The following SDCCAG8 variants were observed in gnomAD, a reference collection of about 807,000 sequenced individuals.
SDCCAG8 encodes the protein serologically defined colon cancer antigen 8.
Under a neutral mutation model 101.8 loss-of-function variants are expected in SDCCAG8, and 74 were observed. That is an observed-to-expected ratio of 0.73 (90% confidence interval 0.60 to 0.88). The LOEUF (loss-of-function observed/expected upper bound fraction) is 0.88. SDCCAG8 is among the 40% of genes least tolerant of loss of function. SDCCAG8 has a pLI of 0.00. For synonymous variants in SDCCAG8, 281 were observed against 292.9 expected, an observed-to-expected ratio of 0.96 and a Z score of 0.41; for missense variants, 787 against 822.6, an observed-to-expected ratio of 0.96 and a Z score of 0.53.
At position 243,416,333 on chromosome 1, in the gene SDCCAG8, C is replaced by T. The variant is rs1020363252; in HGVS notation, c.1744+504C>T. Among the ~76,000 whole-genome samples, 1 of 152,166 alleles carries T rather than the reference C, an allele frequency of 6.6e-6. No individual in the cohort carries two copies. Among genetic ancestry groups the T allele is most frequent in the African/African-American group, 2.4e-5 (1 of 41,444 alleles). On this transcript the variant is annotated intron_variant, in intron 14 of 17. Coordinates refer to ENST00000366541, the MANE Select transcript of SDCCAG8 (RefSeq NM_006642.5). This position sits in a 1 kb window ranked among gnomAD's most constrained non-coding sequence, Gnocchi z 4.3. ...ATCCAAACTGGAGAAAAGCTTTAGC[C>T]ATTAATCGGTTCTTAATTCACTGTC...
intron 10 of SDCCAG8, among the ~76,000 whole-genome samples, chr1:243,336,464 C>T (rs543723833): frequency 6.6e-6 from 1 of 152,140 alleles, no homozygotes; most frequent in Non-Finnish European, 1.5e-5. Context: ...CATGGTTCTG[C>T]AGGCTGAACG....
chr1:243,333,670 G>A (rs1199609961), intron 10 of SDCCAG8, among the ~76,000 whole-genome samples: 1 of 152,146 alleles, frequency 6.6e-6, no homozygotes, highest in Non-Finnish European at 1.5e-5. Flanking sequence ...CTGAAGATCT[G>A]TTTACACTAT....
chr1:243,292,173 TGGAGGTTTTATTACATA>T (rs1480206150), intron 5 of SDCCAG8, among the ~76,000 whole-genome samples: 7 of 152,180 alleles, frequency 4.6e-5, no homozygotes, highest in Non-Finnish European at 7.3e-5. Context: ...AGGATTTTTA[TGGAGGTTTTATTACATA>T]GGCATGATTG....
At chr1:243,470,649 C>T (rs1393896991) in intron 16 of SDCCAG8, among the ~76,000 whole-genome samples, 1 of 152,052 alleles carries the variant, frequency 6.6e-6, no homozygotes, top group Admixed American at 6.6e-5. Flanking sequence ...AGCATACAGC[C>T]GTGCTGTGCT....
In SDCCAG8 at chr1:243,459,244, G is replaced by A. The variant is rs77158055; in HGVS notation, c.1986-29770G>A. 6.0e-3 allele frequency among the ~76,000 whole-genome samples: 906 copies of A among 152,268 alleles called. 10 individuals carry two copies. Among genetic ancestry groups the A allele is most frequent in the African/African-American group, 0.017 (686 of 41,540 alleles). Reference sequence around the variant, plus strand: ...ATGATTGAGGAAGTGGAGGCTCGGAGGGAGGAAGTGTGGCCACAGCTGCAC... The same window carrying A: ...ATGATTGAGGAAGTGGAGGCTCGGAAGGAGGAAGTGTGGCCACAGCTGCAC... On this transcript the variant is annotated intron_variant, in intron 16 of 17. Transcript: ENST00000366541.
chr1:243,355,391 T>TA (rs1299600947), intron 12 of SDCCAG8, among the ~76,000 whole-genome samples: 1 of 152,120 alleles, frequency 6.6e-6, no homozygotes, highest in Non-Finnish European at 1.5e-5. Context: ...GTAGTAGTAT[T>TA]AGCCTTTCTT....
chr1:243,262,312 C>T (rs1372176993), intron 1 of SDCCAG8, among the ~76,000 whole-genome samples: 5 of 130,160 alleles, frequency 3.8e-5, no homozygotes, highest in Non-Finnish European at 9.0e-5. Context: ...CACCATGTTG[C>T]CCAGGCTGGT....
chr1:243,387,083 A>C (rs2078351778), intron 13 of SDCCAG8, among the ~76,000 whole-genome samples: 2 of 152,192 alleles, frequency 1.3e-5, no homozygotes, highest in South Asian at 4.1e-4. Flanking sequence ...GAATGTATTC[A>C]TCTTAGGCCA....
At chr1:243,348,070 C>T (rs2075835127) in intron 12 of SDCCAG8, among the ~76,000 whole-genome samples, 1 of 129,150 alleles carries the variant, frequency 7.7e-6, no homozygotes. Flanking sequence ...GAGTCTCCCT[C>T]TGTCGCCCAG....
chr1:243,472,913 T>A (rs1009853308), intron 16 of SDCCAG8, among the ~76,000 whole-genome samples: 4 of 152,246 alleles, frequency 2.6e-5, no homozygotes, highest in Non-Finnish European at 5.9e-5. Context: ...AACATAAATG[T>A]CCACCAGAAA....
At chr1:243,438,047 G>A (rs774377502) in intron 16 of SDCCAG8, among the ~76,000 whole-genome samples, 2 of 152,158 alleles carry the variant, frequency 1.3e-5, no homozygotes, top group Non-Finnish European at 2.9e-5. Flanking sequence ...GGAGCTTGAG[G>A]CGTTTGCTTC....
intron 6 of SDCCAG8, among the ~76,000 whole-genome samples, chr1:243,301,183 TGTA>T (rs2071469725): frequency 1.3e-5 from 2 of 152,256 alleles, no homozygotes; most frequent in East Asian, 3.9e-4. Context: ...TAAAGTAAAA[TGTA>T]GTACATACTG....
intron 13 of SDCCAG8, among the ~76,000 whole-genome samples, chr1:243,399,863 C>G (rs747524808): frequency 6.6e-6 from 1 of 152,188 alleles, no homozygotes; most frequent in Non-Finnish European, 1.5e-5. Flanking sequence ...CCCGCATAAA[C>G]GCTGCTTACC....
Position 243,274,652 on chromosome 1 carries a change from G to A in SDCCAG8, c.416G>A (p.Cys139Tyr), listed in dbSNP as rs773522256. ...IHHLEAEVKF[C>Y]KEELSGMKNK... The stretch of plus-strand genomic sequence containing the variant: ...CATTTAGAGGCAGAAGTTAAGTTCT[G>A]CAAGGTAAGTTTCTCATTAAGAATT... Residue 139 changes from cysteine to tyrosine, a missense_variant, in exon 4 of 18, where the codon TGC (cysteine) becomes TAC (tyrosine). By Grantham distance (194) the Cys-to-Tyr change is radical. Transcript: ENST00000366541. The A allele has an allele frequency of 1.9e-6, 3 of 1,546,606 alleles. No homozygotes were observed. Among genetic ancestry groups the A allele is most frequent in the African/African-American group, 1.4e-5 (1 of 73,412 alleles).
At chr1:243,323,705 A>G (rs2073937839) in intron 9 of SDCCAG8, among the ~76,000 whole-genome samples, 1 of 152,164 alleles carries the variant, frequency 6.6e-6, no homozygotes, top group Admixed American at 6.5e-5. Context: ...GGCTTTGAAC[A>G]AACTGTAGCC....
intron 9 of SDCCAG8, among the ~76,000 whole-genome samples, chr1:243,321,506 T>C (rs2073753148): frequency 1.3e-5 from 2 of 152,232 alleles, no homozygotes; most frequent in African/African-American, 2.4e-5. Context: ...ACTGCATTAC[T>C]TTGCTTAGGA....
chr1:243,495,403 C>A (rs1191278549), intron 17 of SDCCAG8, among the ~76,000 whole-genome samples: 4 of 152,206 alleles, frequency 2.6e-5, no homozygotes, highest in African/African-American at 7.2e-5. Context: ...CAAAGCCAAG[C>A]CCTGCGGTGG....
intron 16 of SDCCAG8, among the ~76,000 whole-genome samples, chr1:243,446,242 T>C (rs1207259495): frequency 6.6e-6 from 1 of 152,200 alleles, no homozygotes; most frequent in Non-Finnish European, 1.5e-5. Flanking sequence ...AGAATGTGCA[T>C]TGCATTCTCC....
At position 243,426,139 on chromosome 1, in the gene SDCCAG8, T is replaced by C. The variant is rs2081324258; in HGVS notation, c.1854-288T>C. On this transcript the variant is annotated intron_variant, in intron 15 of 17. Transcript: ENST00000366541. ...AAGCACTCAGTAAGTATTTGTTAAA[T>C]GAATGACAGTCTTTTAAAAAAGAGA... Among the ~76,000 whole-genome samples the C allele has an allele frequency of 2.6e-5, 4 of 152,238 alleles. No individual in the cohort carries two copies. The South Asian group carries it at 8.3e-4, about 31-fold the overall frequency.
Sources: allele counts gnomAD v4.1 joint callset (sites outside exome capture counted in the v4.1 genomes callset), GRCh38; gene constraint gnomAD v4.1.1; non-coding constraint Gnocchi (gnomAD v3.1); transcripts MANE v1.5; gene names NCBI Gene and HGNC (gene_info 2026-07-23, HGNC 2026-07-21).